UNC13C: variants seen among roughly 807,000 people sequenced by gnomAD.
The protein encoded by UNC13C is protein unc-13 homolog C.
In UNC13C, 174 loss-of-function variants were observed where a neutral mutation model predicts 245.4. The observed-to-expected ratio is 0.71, with a 90% confidence interval of 0.63 to 0.80. UNC13C has a LOEUF of 0.80. UNC13C is among the 30% of genes least tolerant of loss of function. UNC13C has a pLI of 0.00. For missense variants in UNC13C, 2,829 were observed against 2,602.9 expected, an observed-to-expected ratio of 1.09 and a Z score of -1.89; for synonymous variants, 992 against 895.1, an observed-to-expected ratio of 1.11 and a Z score of -1.93.
chr15:54,273,829 T>C (rs1336801685), intron 10 of UNC13C, among the ~76,000 whole-genome samples: 1 of 152,124 alleles, frequency 6.6e-6, no homozygotes, highest in African/African-American at 2.4e-5. Flanking sequence ...AGACCACCTA[T>C]TTTGAAAGCA....
At chr15:54,190,081 A>G (rs1326470634) in intron 4 of UNC13C, among the ~76,000 whole-genome samples, 1 of 152,084 alleles carries the variant, frequency 6.6e-6, no homozygotes, top group Non-Finnish European at 1.5e-5. Flanking sequence ...TTCTAAGGTA[A>G]TGGATAAGGT....
chr15:53,969,845 A>G, the UNC13C span, among the ~76,000 whole-genome samples: 1 of 152,146 alleles, frequency 6.6e-6, no homozygotes, highest in Non-Finnish European at 1.5e-5. Context: ...CTGAAATTCT[A>G]TACCCATTAC....
At position 54,425,515 on chromosome 15, in the gene UNC13C, G is replaced by A. The variant is rs765422326; in HGVS notation, c.4933+10448G>A. On this transcript the variant is annotated intron_variant, in intron 19 of 32. Transcript: ENST00000260323. ...AGAGATCTTACTAACAGACCCAAAGGCAAATGACACCTAGAATTAAGTGAT... is the reference window on the plus strand; with the variant it reads ...AGAGATCTTACTAACAGACCCAAAGACAAATGACACCTAGAATTAAGTGAT... Among the ~76,000 whole-genome samples, 26 of 151,738 alleles carry A rather than the reference G, an allele frequency of 1.7e-4. 1 individual carries two copies. The highest frequency in any genetic ancestry group is 1.1e-3 in the Admixed American group (16 of 15,194).
intron 2 of UNC13C, among the ~76,000 whole-genome samples, chr15:54,141,130 TTTCA>T (rs1170490516): frequency 2.0e-5 from 3 of 152,198 alleles, no homozygotes; most frequent in Admixed American, 2.0e-4. Flanking sequence ...TCAGATCTTA[TTTCA>T]TTGTTTTCCA....
chr15:54,018,349 C>G (rs1347148797), intron 2 of UNC13C, among the ~76,000 whole-genome samples: 1 of 152,202 alleles, frequency 6.6e-6, no homozygotes, highest in African/African-American at 2.4e-5. Flanking sequence ...TGCTGTCAAA[C>G]TGTGGGATGC....
intron 3 of UNC13C, among the ~76,000 whole-genome samples, 156 bp from the exon 4 acceptor site, chr15:54,143,464 C>T (rs1282143823): frequency 6.6e-6 from 1 of 152,170 alleles, no homozygotes; most frequent in Non-Finnish European, 1.5e-5. Flanking sequence ...CTCATAAAAA[C>T]ACAGTAGCTT....
At chr15:54,438,480 C>T (rs1352660960) in intron 19 of UNC13C, among the ~76,000 whole-genome samples, 2 of 151,996 alleles carry the variant, frequency 1.3e-5, no homozygotes, top group Non-Finnish European at 2.9e-5. Context: ...GGGTTGACCA[C>T]TCTGCTCTAG....
intron 2 of UNC13C, among the ~76,000 whole-genome samples, chr15:54,115,199 A>G (rs2030148175): frequency 6.6e-6 from 1 of 152,132 alleles, no homozygotes; most frequent in Non-Finnish European, 1.5e-5. Flanking sequence ...GCTCACTGTT[A>G]TACATATACT....
the UNC13C span, among the ~76,000 whole-genome samples, chr15:53,907,735 G>T: frequency 0.16 from 19,393 of 119,392 alleles, 3,787 homozygotes; most frequent in Non-Finnish European, 0.26. Context: ...AATTATTCAG[G>T]TATTTCTCCT....
chr15:54,617,709 A>G lies in UNC13C; in HGVS notation c.6107-4618A>G, dbSNP rs28607663. ...AAAGCACTGGAATGGATGAGAGAGTAAAAAAAGCTTAAGTCATTGTCCATT... is the reference window on the plus strand; with the variant it reads ...AAAGCACTGGAATGGATGAGAGAGTGAAAAAAGCTTAAGTCATTGTCCATT... On this transcript the variant is annotated intron_variant, in intron 30 of 32. Coordinates refer to ENST00000260323, the MANE Select transcript of UNC13C (RefSeq NM_001080534.3). Among the ~76,000 whole-genome samples, 1,503 of 152,186 alleles carry G rather than the reference A, an allele frequency of 9.9e-3. 20 individuals carry two copies. The highest frequency in any genetic ancestry group is 0.034 in the African/African-American group (1,397 of 41,532).
At chr15:54,339,490 T>TCC (rs1443123872) in intron 17 of UNC13C, among the ~76,000 whole-genome samples, 1 of 152,132 alleles carries the variant, frequency 6.6e-6, no homozygotes, top group Admixed American at 6.6e-5. Flanking sequence ...ATAGCTTAGC[T>TCC]CCCACTTATG....
chr15:54,101,308 TCTG>T (rs1331193433), intron 2 of UNC13C, among the ~76,000 whole-genome samples: 5 of 152,174 alleles, frequency 3.3e-5, no homozygotes, highest in African/African-American at 1.2e-4. Context: ...TTACTGCCGC[TCTG>T]CTGCTATTTC....
chr15:54,631,164 G>C (rs1901450798), downstream of UNC13C: 1 of 151,708 alleles, frequency 6.6e-6, no homozygotes, highest in Admixed American at 6.6e-5. Context: ...TAGTCAACGT[G>C]GCAAAGCCCC....
Position 54,325,939 on chromosome 15 carries a change from T to A in UNC13C, c.4425+3844T>A, listed in dbSNP as rs182363479. Among the ~76,000 whole-genome samples, 363 of 152,030 alleles carry A rather than the reference T, an allele frequency of 2.4e-3. 1 individual carries two copies. Among genetic ancestry groups the A allele is most frequent in the Non-Finnish European group, 3.8e-3 (259 of 67,956 alleles). ...AATAAGGTAAATATAAACATGTTTA[T>A]AGAGTGTTAGGAAAGGAGTTAGTTG... is the stretch of plus-strand genomic sequence containing the variant. On this transcript the variant is annotated intron_variant, in intron 14 of 32. Transcript: ENST00000260323.
the UNC13C span, among the ~76,000 whole-genome samples, chr15:53,873,896 TTTCCTTCCTTCC>T: frequency 1.5e-5 from 2 of 134,170 alleles, no homozygotes; most frequent in Non-Finnish European, 3.2e-5. Context: ...CTTCCTTCTC[TTTCCTTCCTTCC>T]TTCCTTCCTT....
chr15:54,332,828 C>A (rs1238895331), intron 15 of UNC13C, among the ~76,000 whole-genome samples: 1 of 151,984 alleles, frequency 6.6e-6, no homozygotes, highest in African/African-American at 2.4e-5. Flanking sequence ...TTTAACATAT[C>A]TATCTCCCAT....
chr15:54,038,124 A>ATATATATTTTT, intron 2 of UNC13C, among the ~76,000 whole-genome samples: 1 of 45,040 alleles, frequency 2.2e-5, no homozygotes, highest in African/African-American at 1.1e-4. Context: ...ATATATATAT[A>ATATATATTTTT]TTTTTTTTTT....
intron 17 of UNC13C, among the ~76,000 whole-genome samples, chr15:54,373,642 AAAG>A (rs1454266027): frequency 3.3e-5 from 5 of 152,186 alleles, no homozygotes; most frequent in African/African-American, 9.6e-5. Context: ...ATAGAGTCCC[AAAG>A]AAGGTGTCAC....
Position 54,627,961 on chromosome 15 carries a change from T to C in UNC13C, c.*848T>C, listed in dbSNP as rs1425319611. On this transcript the variant is annotated 3_prime_UTR_variant, in exon 33 of 33. Coordinates refer to ENST00000260323, the MANE Select transcript of UNC13C (RefSeq NM_001080534.3). ...GTTAATATCTTCCCTCTGACAGTTA[T>C]GACTCTATAATCAGTTCAATGCTTT... 6.6e-6 allele frequency: 1 copy of C among 152,600 alleles called. No homozygotes were observed. Among genetic ancestry groups the C allele is most frequent in the African/African-American group, 2.4e-5 (1 of 41,472 alleles). The allele number at this position is 152,600 out of a possible 1,614,324, so 9.5% of individuals were successfully genotyped here. A position where few individuals can be genotyped will look rare whatever the true frequency, so the allele number is the denominator to read the frequency against.
Sources: allele counts gnomAD v4.1 joint callset (sites outside exome capture counted in the v4.1 genomes callset), GRCh38; gene constraint gnomAD v4.1.1; transcripts MANE v1.5; gene names NCBI Gene and HGNC (gene_info 2026-07-23, HGNC 2026-07-21).